Variants in DIPK2B observed in about 807,000 individuals in gnomAD.
DIPK2B encodes the protein divergent protein kinase domain 2B.
In DIPK2B, 15 loss-of-function variants were observed where a neutral mutation model predicts 22.2. That is an observed-to-expected ratio of 0.68 (90% confidence interval 0.45 to 1.04). DIPK2B has a LOEUF of 1.04. Ranked by LOEUF, DIPK2B falls within the 50% of genes least tolerant of loss-of-function variation. The pLI is 0.00. For missense variants in DIPK2B, 345 were observed against 348.3 expected, an observed-to-expected ratio of 0.99 and a Z score of 0.08; for synonymous variants, 163 against 153.2, an observed-to-expected ratio of 1.06 and a Z score of -0.47.
In DIPK2B at chrX:45,176,936, G is replaced by A. The variant is rs746228988; in HGVS notation, c.498+14815C>T. 3.8e-4 allele frequency among the ~76,000 whole-genome samples: 42 copies of A among 111,501 alleles called. No homozygotes were observed. In the South Asian group the frequency reaches 0.016, roughly 41 times the overall value. On this transcript the variant is annotated intron_variant, in intron 2 of 4. Transcript: ENST00000398000. ...TTGCCCAAATTGGGTAGACATTTCT[G>A]GTATCAAGAGTCATATTCCACGGAG...
At chrX:45,196,553 AT>A (rs1389560886) in intron 1 of DIPK2B, among the ~76,000 whole-genome samples, 2 of 110,887 alleles carry the variant, frequency 1.8e-5, no homozygotes, top group Admixed American at 9.6e-5. Context: ...GTGTTTAAAC[AT>A]TTTTTTTAGA....
chrX:45,153,849 C>A, intron 4 of DIPK2B, 61 bp downstream of exon 4: 1 of 1,092,739 alleles, frequency 9.2e-7, no homozygotes, highest in East Asian at 3.1e-5. Context: ...CCACCCCTCC[C>A]TAGCTCCTGT....
chrX:45,153,474 T>TTGTGTGTGTGTGTGTGTG (rs34281975), intron 4 of DIPK2B, among the ~76,000 whole-genome samples: 2 of 73,853 alleles, frequency 2.7e-5, no homozygotes, highest in Admixed American at 1.6e-4. Flanking sequence ...CCCAAAAGTT[T>TTGTGTGTGTGTGTGTGTG]TGTGTGTGTG....
Position 45,149,019 on chromosome X carries a change from T to A in DIPK2B, c.*2633A>T, listed in dbSNP as rs754262609. On this transcript the variant is annotated 3_prime_UTR_variant, in exon 5 of 5. Coordinates refer to ENST00000398000, the MANE Select transcript of DIPK2B (RefSeq NM_176819.4). Reference sequence around the variant, plus strand: ...GTTGCTCAGAATTTCAGGCGACTGGTCTGGAGGAGAGAAGGGGGCAAGTGC... The same window carrying A: ...GTTGCTCAGAATTTCAGGCGACTGGACTGGAGGAGAGAAGGGGGCAAGTGC... 3.6e-5 allele frequency: 4 copies of A among 111,895 alleles called. No individual in the cohort carries two copies. Among genetic ancestry groups the A allele is most frequent in the Non-Finnish European group, 7.5e-5 (4 of 53,201 alleles). The allele number at this position is 111,895 out of a possible 1,213,427, so 9.2% of individuals were successfully genotyped here. A position where few individuals can be genotyped will look rare whatever the true frequency, so the allele number is the denominator to read the frequency against.
chrX:45,185,085 T>A (rs1191310511), intron 2 of DIPK2B, among the ~76,000 whole-genome samples: 5 of 112,441 alleles, frequency 4.4e-5, no homozygotes, highest in Non-Finnish European at 9.4e-5. Flanking sequence ...ATATAGTGGT[T>A]AAGTTCTGCT....
intron 1 of DIPK2B, among the ~76,000 whole-genome samples, chrX:45,192,727 T>C (rs147785538): frequency 0.022 from 2,421 of 112,005 alleles, 27 homozygotes; most frequent in Non-Finnish European, 0.031. Flanking sequence ...TGTGTGATTC[T>C]ACATGATGGC....
At chrX:45,165,974 A>G (rs1222907895) in intron 2 of DIPK2B, among the ~76,000 whole-genome samples, 2 of 111,986 alleles carry the variant, frequency 1.8e-5, no homozygotes, top group East Asian at 5.6e-4. Flanking sequence ...TTATAGCTGA[A>G]GCTTCCCCTT....
intron 2 of DIPK2B, among the ~76,000 whole-genome samples, chrX:45,184,594 T>C (rs2047171511): frequency 8.9e-6 from 1 of 112,238 alleles, no homozygotes; most frequent in Admixed American, 9.5e-5. Context: ...AATTATGCCT[T>C]CCACAGACCT....
chrX:45,153,474 T>TTGTGTGTGTG (rs34281975), intron 4 of DIPK2B, among the ~76,000 whole-genome samples: 1,102 of 73,833 alleles, frequency 0.015, 21 homozygotes, highest in Admixed American at 0.049. Flanking sequence ...CCCAAAAGTT[T>TTGTGTGTGTG]TGTGTGTGTG....
chrX:45,159,016 C>T (rs2047009940), intron 2 of DIPK2B, among the ~76,000 whole-genome samples: 1 of 111,273 alleles, frequency 9.0e-6, no homozygotes, highest in Non-Finnish European at 1.9e-5. Context: ...CCCTGCCCCC[C>T]TCTCCATAAA....
chrX:45,153,980 G>A lies in DIPK2B; in HGVS notation c.891C>T (p.Phe297=), dbSNP rs779575269. 5.8e-6 allele frequency: 7 copies of A among 1,210,783 alleles called. No individual in the cohort carries two copies. The highest frequency in any genetic ancestry group is 3.5e-5 in the South Asian group (2 of 56,969). Residue 297 remains phenylalanine (F), a synonymous_variant, in exon 4 of 5, where the codon TTC becomes TTT. Transcript: ENST00000398000. ...FYFTHIDAGM[F]GVFNNGHLFI... ...ACAGATGCCCGTTGTTAAAGACGCC[G>A]AACATGCCTGCATCAATGTGGGTGA...
intron 2 of DIPK2B, among the ~76,000 whole-genome samples, chrX:45,167,361 C>A (rs2148338574): frequency 9.2e-6 from 1 of 109,088 alleles, no homozygotes; most frequent in South Asian, 4.0e-4. Flanking sequence ...CATCGTGGTG[C>A]CACACCTGTA....
intron 2 of DIPK2B, among the ~76,000 whole-genome samples, chrX:45,169,864 C>T (rs2047069748): frequency 9.0e-6 from 1 of 111,597 alleles, no homozygotes; most frequent in South Asian, 3.8e-4. Flanking sequence ...TGAGTGTTAT[C>T]AACTTTTCAG....
chrX:45,184,879 A>G (rs1004728381), intron 2 of DIPK2B, among the ~76,000 whole-genome samples: 1 of 111,924 alleles, frequency 8.9e-6, no homozygotes, highest in African/African-American at 3.2e-5. Context: ...TACAATTTCA[A>G]TTATTTGCTC....
intron 2 of DIPK2B, among the ~76,000 whole-genome samples, chrX:45,175,408 A>T (rs778098078): frequency 9.0e-6 from 1 of 110,567 alleles, no homozygotes; most frequent in East Asian, 2.9e-4. Context: ...ATTAAGCCAT[A>T]GAAGAATATG....
Position 45,150,873 on chromosome X carries a change from A to G in DIPK2B, c.*779T>C, listed in dbSNP as rs1265853974. 5 of 111,100 alleles carry G rather than the reference A, an allele frequency of 4.5e-5. No homozygotes were observed. The highest frequency in any genetic ancestry group is 7.6e-5 in the Non-Finnish European group (4 of 52,917). The allele number at this position is 111,100 out of a possible 1,213,427, so 9.2% of individuals were successfully genotyped here. ...CTCCCTCCTTCTTTCCTTACACACA[A>G]TCATTTCCCCTAACAAATCTTTGTT... On this transcript the variant is annotated 3_prime_UTR_variant, in exon 5 of 5. Transcript: ENST00000398000.
chrX:45,160,251 A>C (rs1326448368), intron 2 of DIPK2B, among the ~76,000 whole-genome samples: 1 of 108,636 alleles, frequency 9.2e-6, no homozygotes, highest in East Asian at 2.9e-4. Context: ...CTTGTCCCCC[A>C]GGCTGGAATG....
chrX:45,180,035 G>A (rs747979838), intron 2 of DIPK2B, among the ~76,000 whole-genome samples: 1 of 111,418 alleles, frequency 9.0e-6, no homozygotes, highest in East Asian at 2.8e-4. Context: ...GTGTGAGCAA[G>A]TCCCCCCACA....
chrX:45,179,891 A>G (rs181284393), intron 2 of DIPK2B, among the ~76,000 whole-genome samples: 1 of 112,238 alleles, frequency 8.9e-6, no homozygotes, highest in East Asian at 2.8e-4. Flanking sequence ...AAATTTACGA[A>G]AAAAATTCTC....
Sources: allele counts gnomAD v4.1 joint callset (sites outside exome capture counted in the v4.1 genomes callset), GRCh38; gene constraint gnomAD v4.1.1; transcripts MANE v1.5; gene names NCBI Gene and HGNC (gene_info 2026-07-23, HGNC 2026-07-21).